Variants in ZNF423 observed in about 807,000 individuals in gnomAD.
The protein encoded by ZNF423 is Ebf-associated zinc finger protein.
A neutral mutation model predicts 95.8 loss-of-function variants in ZNF423; 12 were observed. The ratio of observed to expected loss-of-function variants is 0.13; its 90% CI spans 0.08 to 0.20. ZNF423 has a LOEUF of 0.20. Ranked by LOEUF, ZNF423 falls within the 10% of genes least tolerant of loss-of-function variation. ZNF423 has a pLI of 1.00. For missense variants in ZNF423, 1,316 were observed against 1,737.1 expected (o/e 0.76, Z 4.31); for synonymous variants, 749 against 711.9 (o/e 1.05, Z -0.83).
intron 5 of ZNF423, among the ~76,000 whole-genome samples, chr16:49,550,811 A>T (rs1161242949): frequency 6.6e-6 from 1 of 152,234 alleles, no homozygotes; most frequent in Admixed American, 6.5e-5. Context: ...TCTAGCTCTG[A>T]GGGCTGCTTG....
At chr16:49,536,793 A>T (rs1396292196) in intron 5 of ZNF423, among the ~76,000 whole-genome samples, 1 of 152,234 alleles carries the variant, frequency 6.6e-6, no homozygotes, top group Admixed American at 6.5e-5. Context: ...TAATGTGGCC[A>T]GTGACTACCA....
At chr16:49,607,317 A>T (rs1163072821) in intron 5 of ZNF423, among the ~76,000 whole-genome samples, 1 of 151,084 alleles carries the variant, frequency 6.6e-6, no homozygotes, top group Non-Finnish European at 1.5e-5. Context: ...AAACATAAGA[A>T]GATTAACTAA....
intron 2 of ZNF423, among the ~76,000 whole-genome samples, chr16:49,748,790 A>G (rs2033575590): frequency 6.6e-6 from 1 of 152,226 alleles, no homozygotes; most frequent in South Asian, 2.1e-4. Context: ...GTACTATTAC[A>G]GATAGGGAAA....
intron 2 of ZNF423, among the ~76,000 whole-genome samples, chr16:49,785,217 C>G (rs1231739148): frequency 6.6e-6 from 1 of 152,088 alleles, no homozygotes; most frequent in Non-Finnish European, 1.5e-5. Flanking sequence ...GCTGGGATTA[C>G]AGGTGCATGC....
chr16:49,626,443 G>A (rs928335563), intron 4 of ZNF423, among the ~76,000 whole-genome samples, 189 bp from the exon 5 acceptor site: 2 of 152,064 alleles, frequency 1.3e-5, no homozygotes, highest in Non-Finnish European at 2.9e-5. Flanking sequence ...GGGGCATGAA[G>A]CTACATTCCA....
chr16:49,810,170 A>T (rs925075801), intron 1 of ZNF423, among the ~76,000 whole-genome samples: 3 of 151,948 alleles, frequency 2.0e-5, no homozygotes, highest in Admixed American at 2.0e-4. Context: ...GCACCTGGAG[A>T]TAATCTAGAA....
intron 7 of ZNF423, among the ~76,000 whole-genome samples, chr16:49,493,161 T>G: frequency 6.6e-6 from 1 of 151,964 alleles, no homozygotes; most frequent in South Asian, 2.1e-4. Context: ...CAGCTAGTCC[T>G]GTGGGGAGCC....
rs191699855 is a variant in ZNF423, at chr16:49,604,551, C to A, written c.3601+21619G>T. Among the ~76,000 whole-genome samples, 25 of 152,248 alleles carry A rather than the reference C, an allele frequency of 1.6e-4. No individual in the cohort carries two copies. The East Asian group carries it at 4.6e-3, about 28-fold the overall frequency. Reference sequence around the variant, plus strand: ...ATATTAAATAGTTGCATCACCTCAGCAGGGTTCCTAAACCTCACTCTATTT... The same window carrying A: ...ATATTAAATAGTTGCATCACCTCAGAAGGGTTCCTAAACCTCACTCTATTT... On this transcript the variant is annotated intron_variant, in intron 5 of 7. Coordinates refer to ENST00000563137, the MANE Select transcript of ZNF423 (RefSeq NM_001379286.1).
intron 3 of ZNF423, among the ~76,000 whole-genome samples, chr16:49,641,278 A>G (rs1972967335): frequency 6.6e-6 from 1 of 152,188 alleles, no homozygotes; most frequent in Admixed American, 6.5e-5. Context: ...GGCCTGGACC[A>G]GCTTCTGGGG....
At position 49,650,638 on chromosome 16, in the gene ZNF423, C is replaced by A. The variant is rs1003342311; in HGVS notation, c.302-11764G>T. On this transcript the variant is annotated intron_variant, in intron 3 of 7. Coordinates refer to ENST00000563137, the MANE Select transcript of ZNF423 (RefSeq NM_001379286.1). Reference sequence around the variant, plus strand: ...GTAAGTGGGGGGCCACACACCCAGGCATCCTGGGATGGAACCCAGCATCCC... The same window carrying A: ...GTAAGTGGGGGGCCACACACCCAGGAATCCTGGGATGGAACCCAGCATCCC... 6.6e-5 allele frequency among the ~76,000 whole-genome samples: 10 copies of A among 152,320 alleles called. No individual in the cohort carries two copies. The East Asian group carries it at 1.7e-3, about 26-fold the overall frequency.
Position 49,794,013 on chromosome 16 carries a change from C to T in ZNF423, c.41-4467G>A, listed in dbSNP as rs1188987478. Among the ~76,000 whole-genome samples, 3 of 117,366 alleles carry T rather than the reference C, an allele frequency of 2.6e-5. No individual in the cohort carries two copies. In the East Asian group the frequency reaches 7.7e-4, roughly 30 times the overall value. The allele number at this position is 117,366 out of a possible 152,430, so 77.0% of individuals were successfully genotyped here. A position where few individuals can be genotyped will look rare whatever the true frequency, so the allele number is the denominator to read the frequency against. ...CTACTTAAGACCTCTCTGTCTCTGT[C>T]TGTCTCTGTCTCTCTCTCTCTCTCT... On this transcript the variant is annotated intron_variant, in intron 1 of 7. Coordinates refer to ENST00000563137, the MANE Select transcript of ZNF423 (RefSeq NM_001379286.1).
upstream of ZNF423, among the ~76,000 whole-genome samples, chr16:49,857,211 T>C (rs1386710289): frequency 1.3e-5 from 2 of 150,242 alleles, no homozygotes; most frequent in African/African-American, 2.4e-5. This position sits in a 1 kb window ranked among gnomAD's most constrained non-coding sequence, Gnocchi z 6.2. Flanking sequence ...CCCGCACTGC[T>C]CCGGCTCGGA....
chr16:49,692,602 A>G (rs1415129498), intron 3 of ZNF423, among the ~76,000 whole-genome samples: 1 of 152,214 alleles, frequency 6.6e-6, no homozygotes, highest in Non-Finnish European at 1.5e-5. Flanking sequence ...GCTAGGAGGC[A>G]CAGAAGCCAA....
upstream of ZNF423, among the ~76,000 whole-genome samples, chr16:49,856,823 G>T (rs1283460227): frequency 6.7e-6 from 1 of 148,158 alleles, no homozygotes; most frequent in Admixed American, 6.7e-5. Flanking sequence ...CCCCAGGCCG[G>T]TGCCAAGTCG....
At chr16:49,556,603 A>AC (rs1369501881) in intron 5 of ZNF423, among the ~76,000 whole-genome samples, 3 of 151,792 alleles carry the variant, frequency 2.0e-5, no homozygotes, top group Non-Finnish European at 2.9e-5. Context: ...GCCTCCCCCT[A>AC]CCCCTCTTGG....
intron 5 of ZNF423, among the ~76,000 whole-genome samples, chr16:49,598,051 G>C (rs981639630): frequency 6.6e-6 from 1 of 152,188 alleles, no homozygotes; most frequent in Non-Finnish European, 1.5e-5. Flanking sequence ...TCCTCATGGG[G>C]AGAGCTTGTC....
rs2035291587 is a variant in ZNF423 at position 49,850,530 on chromosome 16, T to C, written c.40+5205A>G. On this transcript the variant is annotated intron_variant, in intron 1 of 7. Transcript: ENST00000563137. ...AAGGAACCCTGATATCTTCTGCAAATGTTTTCAAGACATGAAGATAATACC... is the reference window on the plus strand; with the variant it reads ...AAGGAACCCTGATATCTTCTGCAAACGTTTTCAAGACATGAAGATAATACC... Among the ~76,000 whole-genome samples, 4 of 152,218 alleles carry C rather than the reference T, an allele frequency of 2.6e-5. No homozygotes were observed. The South Asian group carries it at 8.3e-4, about 32-fold the overall frequency.
At chr16:49,653,103 T>C (rs1460887834) in intron 3 of ZNF423, among the ~76,000 whole-genome samples, 3 of 152,154 alleles carry the variant, frequency 2.0e-5, no homozygotes, top group Non-Finnish European at 1.5e-5. Flanking sequence ...TAACGCGGCA[T>C]TGGATTCTCC....
chr16:49,644,658 CAAAAAAAAAAAAAAAAAAAAA>C (rs56066766), intron 3 of ZNF423, among the ~76,000 whole-genome samples: 11 of 39,564 alleles, frequency 2.8e-4, no homozygotes, highest in Admixed American at 4.5e-4. Context: ...AACTCTGACT[CAAAAAAAAAAAAAAAAAAAAA>C]AAAAAAAAAA....
Sources: gnomAD v4.1 joint callset for allele counts (sites outside exome capture counted in the v4.1 genomes callset) on GRCh38, gnomAD v4.1.1 for gene constraint, Gnocchi (gnomAD v3.1) non-coding constraint, MANE v1.5 for transcripts, NCBI Gene and HGNC (gene_info 2026-07-23, HGNC 2026-07-21) for gene names.